The following COMMD1 variants were observed in gnomAD, a reference collection of about 807,000 sequenced individuals.
The protein encoded by COMMD1 is copper metabolism domain containing 1, also known as COMM domain-containing protein 1.
Under a neutral mutation model 17.2 loss-of-function variants are expected in COMMD1, and 10 were observed. The observed-to-expected ratio is 0.58, with a 90% CI of 0.36 to 0.99. The LOEUF is 0.99. Ranked by LOEUF, COMMD1 falls within the 50% of genes least tolerant of loss-of-function variation. The pLI is 0.01. For missense variants in COMMD1, 270 were observed against 231.8 expected, an observed-to-expected ratio of 1.17 and a Z score of -1.07; for synonymous variants, 97 against 91.6, an observed-to-expected ratio of 1.06 and a Z score of -0.34.
chr2:61,902,273 C>T (rs1246240910), upstream of COMMD1, among the ~76,000 whole-genome samples: 3 of 151,392 alleles, frequency 2.0e-5, no homozygotes, highest in African/African-American at 4.9e-5. Flanking sequence ...TTTGGGAGGC[C>T]GAGGCAGGTG....
chr2:62,085,591 A>G (rs1014450457), intron 2 of COMMD1, among the ~76,000 whole-genome samples: 3 of 151,982 alleles, frequency 2.0e-5, no homozygotes, highest in Admixed American at 2.0e-4. Context: ...TAATGCCAAA[A>G]CTTTGGGAGG....
chr2:61,890,377 GC>G (rs990782765), intron 1 of COMMD1, among the ~76,000 whole-genome samples: 1 of 152,070 alleles, frequency 6.6e-6, no homozygotes, highest in African/African-American at 2.4e-5. Flanking sequence ...GCACCACCAT[GC>G]CCGGCTAATT....
chr2:62,025,048 T>C (rs761255498), intron 2 of COMMD1, among the ~76,000 whole-genome samples: 3 of 150,774 alleles, frequency 2.0e-5, no homozygotes, highest in Non-Finnish European at 3.0e-5. Context: ...CCAAGAACCC[T>C]GTCTCTGCCA....
chr2:61,913,630 A>C (rs2105181915), intron 1 of COMMD1, among the ~76,000 whole-genome samples: 1 of 151,150 alleles, frequency 6.6e-6, no homozygotes, highest in South Asian at 2.1e-4. Context: ...AATTGGCTCT[A>C]CTAAAAATAC....
chr2:62,134,602 CA>C (rs35477482), intron 2 of COMMD1, among the ~76,000 whole-genome samples: 38,228 of 130,554 alleles, frequency 0.29, 5,087 homozygotes, highest in Admixed American at 0.35. Context: ...CCCATCTCTA[CA>C]AAAAAAAAAA....
chr2:61,958,330 G>C lies in COMMD1; in HGVS notation c.181-42371G>C, dbSNP rs529837179. Among the ~76,000 whole-genome samples the C allele has an allele frequency of 7.9e-5, 12 of 151,076 alleles. No individual in the cohort carries two copies. In the East Asian group the frequency reaches 1.2e-3, roughly 15 times the overall value. On this transcript the variant is annotated intron_variant, in intron 1 of 2. Coordinates refer to ENST00000311832, the MANE Select transcript of COMMD1 (RefSeq NM_152516.4). ...TGCCCAGGCTGGAGTGCAGGGGCGC[G>C]ATCTCAGCTCACCACAACCTCTGCC...
At chr2:61,976,628 T>G (rs894055378) in intron 1 of COMMD1, among the ~76,000 whole-genome samples, 1 of 152,258 alleles carries the variant, frequency 6.6e-6, no homozygotes, top group East Asian at 1.9e-4. Flanking sequence ...TCACCAAGGA[T>G]ATAGCTGAAG....
chr2:62,044,963 T>C (rs991914661), intron 2 of COMMD1, among the ~76,000 whole-genome samples: 31 of 152,148 alleles, frequency 2.0e-4, no homozygotes, highest in Admixed American at 2.0e-3. Flanking sequence ...AATTGCCCGA[T>C]GGGTTCTTCC....
intron 1 of COMMD1, among the ~76,000 whole-genome samples, chr2:61,944,641 G>T (rs1670859583): frequency 6.6e-6 from 1 of 152,054 alleles, no homozygotes; most frequent in African/African-American, 2.4e-5. Context: ...TCCTCTCATG[G>T]TACAAGGTAA....
chr2:62,004,121 G>A (rs925588438), intron 2 of COMMD1, among the ~76,000 whole-genome samples: 1 of 151,800 alleles, frequency 6.6e-6, no homozygotes, highest in African/African-American at 2.4e-5. Context: ...GAGTGAGACT[G>A]TGTCTCAGAA....
intron 2 of COMMD1, among the ~76,000 whole-genome samples, chr2:62,036,049 G>GTC (rs983106856): frequency 1.2e-4 from 17 of 141,754 alleles, no homozygotes; most frequent in Admixed American, 3.5e-4. Context: ...GTGAGACCCT[G>GTC]TCTCTCACAC....
intron 2 of COMMD1, among the ~76,000 whole-genome samples, chr2:62,083,193 G>A (rs1204162589): frequency 6.6e-6 from 1 of 152,074 alleles, no homozygotes; most frequent in Non-Finnish European, 1.5e-5. Context: ...AGCCTAGGAG[G>A]TTGAGTTTGC....
At chr2:62,006,308 A>G (rs10199691) in intron 2 of COMMD1, among the ~76,000 whole-genome samples, 47 of 151,860 alleles carry the variant, frequency 3.1e-4, no homozygotes, top group African/African-American at 1.0e-3. Flanking sequence ...TAACTAACCT[A>G]CACATTGTGC....
At chr2:61,919,356 C>T (rs1670127728) in intron 1 of COMMD1, among the ~76,000 whole-genome samples, 2 of 152,116 alleles carry the variant, frequency 1.3e-5, no homozygotes. Flanking sequence ...TGTTCAGTCT[C>T]CCAGACTGGA....
chr2:62,077,587 C>G (rs957969030), intron 2 of COMMD1, among the ~76,000 whole-genome samples: 27 of 152,082 alleles, frequency 1.8e-4, no homozygotes, highest in Non-Finnish European at 2.9e-4. Context: ...ATATTTCTCT[C>G]TCTTCTATGG....
intron 2 of COMMD1, among the ~76,000 whole-genome samples, chr2:62,108,546 G>A (rs1271165798): frequency 6.6e-6 from 1 of 152,096 alleles, no homozygotes; most frequent in African/African-American, 2.4e-5. Context: ...GTTTTAGGGA[G>A]GTTTTTAAGG....
intron 1 of COMMD1, among the ~76,000 whole-genome samples, chr2:61,988,026 A>G (rs1672150522): frequency 6.6e-6 from 1 of 152,108 alleles, no homozygotes; most frequent in African/African-American, 2.4e-5. Flanking sequence ...CTTGTGGTGA[A>G]TGCTTCCAAA....
Position 62,136,010 on chromosome 2 carries a change from C to A in COMMD1, c.*69C>A. The A allele has an allele frequency of 1.2e-6, 1 of 827,220 alleles. No homozygotes were observed. Among genetic ancestry groups the A allele is most frequent in the Non-Finnish European group, 2.1e-6 (1 of 469,014 alleles). The allele number at this position is 827,220 out of a possible 1,614,324, so 51.2% of individuals were successfully genotyped here. On this transcript the variant is annotated 3_prime_UTR_variant, in exon 3 of 3. Transcript: ENST00000311832. ...CATGATCCCTCCCCACTGACCTTTT[C>A]TAAGAAAATTCTTGTGCCCGCATTG...
At chr2:62,111,613 AGG>A (rs1558604100) in intron 2 of COMMD1, among the ~76,000 whole-genome samples, 1 of 151,834 alleles carries the variant, frequency 6.6e-6, no homozygotes, top group African/African-American at 2.4e-5. Flanking sequence ...TTTGAGGGAG[AGG>A]GGTTCTAGTT....
Sources: gnomAD v4.1 joint callset for allele counts (sites outside exome capture counted in the v4.1 genomes callset) on GRCh38, gnomAD v4.1.1 for gene constraint, MANE v1.5 for transcripts, NCBI Gene and HGNC (gene_info 2026-07-23, HGNC 2026-07-21) for gene names.